The following NPEPL1 variants were observed in gnomAD, a reference collection of about 807,000 sequenced individuals.
The protein encoded by NPEPL1 is aminopeptidase like 1.
NPEPL1 carries 45 observed loss-of-function variants against 52.4 expected under a neutral mutation model. The ratio of observed to expected loss-of-function variants is 0.86; its 90% confidence interval spans 0.68 to 1.10. NPEPL1 has a LOEUF of 1.10. NPEPL1 is among the 50% of genes least tolerant of loss of function. NPEPL1 has a pLI of 0.00. For synonymous variants in NPEPL1, 360 were observed against 314.7 expected, an observed-to-expected ratio of 1.14 and a Z score of -1.52; for missense variants, 696 against 710.9, an observed-to-expected ratio of 0.98 and a Z score of 0.24.
At position 58,707,249 on chromosome 20, in the gene NPEPL1, G is replaced by A. The variant is rs367906646; in HGVS notation, c.900+49G>A. 286 of 1,476,612 alleles carry A rather than the reference G, an allele frequency of 1.9e-4. 1 individual carries two copies. The highest frequency in any genetic ancestry group is 1.8e-3 in the Middle Eastern group (8 of 4,490). The allele number at this position is 1,476,612 out of a possible 1,614,324, so 91.5% of individuals were successfully genotyped here. The stretch of plus-strand genomic sequence containing the variant: ...TGCAGGGGCATCCTGGGTGTGCCTC[G>A]TGGGTGCTCCCCTCTCCCCTGTCCG... On this transcript the variant is annotated intron_variant, in intron 7 of 11. Coordinates refer to ENST00000356091, the MANE Select transcript of NPEPL1 (RefSeq NM_024663.4).
Position 58,693,931 on chromosome 20 carries a change from T to C in NPEPL1, c.336+9T>C, listed in dbSNP as rs1347690363. 2.6e-6 allele frequency: 4 copies of C among 1,566,864 alleles called. No individual in the cohort carries two copies. The African/African-American group carries it at 4.1e-5, about 16-fold the overall frequency. On this transcript the variant is annotated intron_variant, in intron 2 of 11. Coordinates refer to ENST00000356091, the MANE Select transcript of NPEPL1 (RefSeq NM_024663.4). ...CGCATCGCTGCATTGTGGTGAGTGC[T>C]TCGAGAGGAGGCAGCCACGGTGCTC...
intron 4 of NPEPL1, 110 bp from the exon 5 acceptor site, chr20:58,699,087 C>T: frequency 9.5e-7 from 1 of 1,053,662 alleles, no homozygotes; most frequent in South Asian, 1.4e-5. Flanking sequence ...AGCCCGGCTC[C>T]CCGACGCGGC....
intron 6 of NPEPL1, among the ~76,000 whole-genome samples, chr20:58,704,801 C>T (rs1246202533): frequency 1.3e-5 from 2 of 152,220 alleles, no homozygotes; most frequent in South Asian, 4.1e-4. Context: ...TTTGCTACTA[C>T]ACCAAAACTC....
At chr20:58,690,152 A>C (rs1052806613), upstream of NPEPL1, among the ~76,000 whole-genome samples, 11 of 152,320 alleles carry the variant, frequency 7.2e-5, no homozygotes, top group Admixed American at 3.3e-4. Flanking sequence ...TGTGAACTGT[A>C]CCAAAAAACA....
At chr20:58,693,606 C>A in intron 1 of NPEPL1, 131 bp from the exon 2 acceptor site, 1 of 740,676 alleles carries the variant, frequency 1.4e-6, no homozygotes, top group Non-Finnish European at 2.2e-6. Flanking sequence ...GATGGGAAAA[C>A]GGTGGCCGGG....
rs1440415697 is a variant in NPEPL1 at position 58,707,174 on chromosome 20, G to T, written c.874G>T (p.Gly292Trp). 1 of 1,552,260 alleles carries T rather than the reference G, an allele frequency of 6.4e-7. No homozygotes were observed. The highest frequency in any genetic ancestry group is 8.7e-7 in the Non-Finnish European group (1 of 1,147,726). ...CTGCGGGGGTGCTGCGGCCGTCCTGGGGGCCTTCAGAGCCGCAATCAAGCA... is the reference window on the plus strand; with the variant it reads ...CTGCGGGGGTGCTGCGGCCGTCCTGTGGGCCTTCAGAGCCGCAATCAAGCA... The part of the protein sequence containing the change: ...RDCGGAAAVL[G>W]AFRAAIKQGF... Residue 292 changes from glycine (G) to tryptophan (W), a missense_variant, in exon 7 of 12, where the codon GGG becomes TGG. Transcript: ENST00000356091.
At chr20:58,691,923 C>T, upstream of NPEPL1, 3 of 826,830 alleles carry the variant, frequency 3.6e-6, no homozygotes, top group Non-Finnish European at 6.1e-6. Flanking sequence ...GTGGGTGGGA[C>T]CCTCCGCCTC....
upstream of NPEPL1, chr20:58,691,227 T>A (rs939877719): frequency 1.4e-6 from 1 of 699,094 alleles, no homozygotes; most frequent in African/African-American, 1.8e-5. Flanking sequence ...TCATACACAC[T>A]GTTAGTACCC....
chr20:58,712,626 G>T, intron 8 of NPEPL1, 47 bp downstream of exon 8: 1 of 1,370,702 alleles, frequency 7.3e-7, no homozygotes, highest in Non-Finnish European at 1.0e-6. Context: ...TGGAACTCGC[G>T]ACCCTTCCCG....
At chr20:58,695,382 G>GTGT (rs1189839959) in intron 3 of NPEPL1, among the ~76,000 whole-genome samples, 2 of 107,860 alleles carry the variant, frequency 1.9e-5, no homozygotes, top group African/African-American at 6.9e-5. Context: ...ACTTCTACAT[G>GTGT]TGTTATTTCA....
chr20:58,703,646 C>T (rs747108164), intron 6 of NPEPL1: 27 of 985,222 alleles, frequency 2.7e-5, no homozygotes, highest in Non-Finnish European at 3.3e-5. Flanking sequence ...TAACTCTAGT[C>T]ACTTAGGGAA....
At chr20:58,711,077 C>T (rs1193145751) in intron 7 of NPEPL1, 1 of 63,766 alleles carries the variant, frequency 1.6e-5, no homozygotes, top group East Asian at 3.0e-4. Context: ...CCTCCCTCCT[C>T]CCCCCCCGCC....
At chr20:58,714,977 G>A in intron 11 of NPEPL1, 191 bp from the exon 12 acceptor site, 1 of 684,566 alleles carries the variant, frequency 1.5e-6, no homozygotes, top group Non-Finnish European at 2.4e-6. Flanking sequence ...GCCTACGCCT[G>A]GCCTGCCAGC....
chr20:58,714,730 C>A, intron 11 of NPEPL1, 60 bp downstream of exon 11: 10 of 1,332,158 alleles, frequency 7.5e-6, no homozygotes, highest in Admixed American at 4.1e-5. Flanking sequence ...CAAACAGCGC[C>A]CCTCTGGCTC....
chr20:58,711,297 T>C (rs2084836697), intron 7 of NPEPL1: 1 of 151,838 alleles, frequency 6.6e-6, no homozygotes, highest in Admixed American at 6.6e-5. Flanking sequence ...TCGTTGTTCC[T>C]AAACACCCAC....
At chr20:58,691,488 C>G, upstream of NPEPL1, 2 of 602,958 alleles carry the variant, frequency 3.3e-6, no homozygotes, top group Non-Finnish European at 5.9e-6. Context: ...AAGCTCTAGT[C>G]TGTGGTGTTT....
chr20:58,714,109 C>T lies in NPEPL1; in HGVS notation c.1302+16C>T, dbSNP rs1176279822. ...CTCAGTGGCGGTAGGTTTGGAGCCT[C>T]GAACCTGGAGCCTGCCACATGGGTG... On this transcript the variant is annotated intron_variant, in intron 10 of 11. Transcript: ENST00000356091. 3.0e-5 allele frequency: 46 copies of T among 1,533,784 alleles called. No individual in the cohort carries two copies. Among genetic ancestry groups the T allele is most frequent in the Middle Eastern group, 2.0e-4 (1 of 4,940 alleles).
intron 3 of NPEPL1, among the ~76,000 whole-genome samples, chr20:58,694,841 C>T (rs1352092393): frequency 6.6e-6 from 1 of 152,212 alleles, no homozygotes; most frequent in Non-Finnish European, 1.5e-5. Flanking sequence ...TAATCAGTGC[C>T]AGGAACGTCC....
rs767087339 is a variant in NPEPL1, at chr20:58,713,440, C to T, written c.1022C>T (p.Thr341Met). 1.2e-5 allele frequency: 19 copies of T among 1,608,658 alleles called. No homozygotes were observed. In the African/African-American group the frequency reaches 1.7e-4, roughly 15 times the overall value. ...YSGKTVEINNTDAEGRLVLAD... is the reference protein window; with the variant it reads ...YSGKTVEINNMDAEGRLVLAD... ...CCCAGGACGGTGGAAATCAACAACA[C>T]GGATGCCGAGGGCAGGCTGGTGCTG... Residue 341 changes from threonine to methionine, a missense_variant, in exon 9 of 12, where the codon ACG (threonine) becomes ATG (methionine). Transcript: ENST00000356091. This position sits in a 1 kb window ranked among gnomAD's most constrained non-coding sequence, Gnocchi z 4.6.
Sources: gnomAD v4.1 joint callset for allele counts (sites outside exome capture counted in the v4.1 genomes callset) on GRCh38, gnomAD v4.1.1 for gene constraint, Gnocchi (gnomAD v3.1) non-coding constraint, MANE v1.5 for transcripts, NCBI Gene and HGNC (gene_info 2026-07-23, HGNC 2026-07-21) for gene names.